GSTCD: variants seen among roughly 807,000 people sequenced by gnomAD.
GSTCD encodes glutathione S-transferase C-terminal domain-containing protein.
In GSTCD, 44 loss-of-function variants were observed where a neutral mutation model predicts 68.3. That is an observed-to-expected ratio of 0.64 (90% CI 0.51 to 0.83). The LOEUF is 0.83. Among genes scored for constraint, GSTCD ranks in the 40% least tolerant of loss-of-function variants. GSTCD has a pLI of 0.00. For synonymous variants in GSTCD, 273 were observed against 255.2 expected (o/e 1.07, Z -0.67); for missense variants, 739 against 735.9 (o/e 1.00, Z -0.05).
rs758089438 is a variant in GSTCD at position 105,717,590 on chromosome 4, T to C, written c.-21-3T>C. On this transcript the variant is annotated splice_region_variant and splice_polypyrimidine_tract_variant and intron_variant, in intron 1 of 11. Transcript: ENST00000515279. Reference sequence around the variant, plus strand: ...ACCATAATCACTTCAATTTATACTTTAGGTGACCCAATGAAAGAAGAAAAT... The same window carrying C: ...ACCATAATCACTTCAATTTATACTTCAGGTGACCCAATGAAAGAAGAAAAT... The C allele has an allele frequency of 5.4e-6, 8 of 1,489,468 alleles. No homozygotes were observed. Among genetic ancestry groups the C allele is most frequent in the Middle Eastern group, 1.8e-4 (1 of 5,474 alleles). The allele number at this position is 1,489,468 out of a possible 1,614,324, so 92.3% of individuals were successfully genotyped here.
chr4:105,839,663 GAGAGAAGAAAGAGA>G (rs910130556), intron 10 of GSTCD, among the ~76,000 whole-genome samples: 3 of 151,682 alleles, frequency 2.0e-5, no homozygotes, highest in African/African-American at 7.3e-5. Context: ...AGAGAGAGAG[GAGAGAAGAAAGAGA>G]GGAGAAGAAA....
At chr4:105,710,392 T>C (rs1253997793) in intron 1 of GSTCD, among the ~76,000 whole-genome samples, 2 of 147,926 alleles carry the variant, frequency 1.4e-5, no homozygotes, top group Admixed American at 6.7e-5. Context: ...GGCTCCTTTT[T>C]TTTTTTTTTT....
At chr4:105,719,871 A>G (rs1351814505) in intron 3 of GSTCD, among the ~76,000 whole-genome samples, 2 of 152,136 alleles carry the variant, frequency 1.3e-5, no homozygotes, top group Non-Finnish European at 2.9e-5. Flanking sequence ...ACTTTCTAAT[A>G]GTAGAAGGTC....
rs1483024147 is a variant in GSTCD, at chr4:105,825,755, C to A, written c.1485C>A (p.Phe495Leu). ...AACTGGGTTTAAGCAACATTTGGTT[C>A]ATTCAAGCAAATATGGAATATTTTA... ...SDELGLSNIW[F>L]IQANMEYFTG... The change falls in exon 8 of 12, where the codon TTC becomes TTA. Residue 495 changes from phenylalanine (F) to leucine (L), a missense_variant. Phe to Leu is a conservative substitution (Grantham distance 22, BLOSUM62 0). Transcript: ENST00000515279. 5.8e-6 allele frequency: 9 copies of A among 1,545,792 alleles called. No homozygotes were observed. The African/African-American group carries it at 9.5e-5, about 16-fold the overall frequency.
At chr4:105,771,381 C>T (rs1421860577) in intron 5 of GSTCD, among the ~76,000 whole-genome samples, 1 of 151,888 alleles carries the variant, frequency 6.6e-6, no homozygotes, top group Admixed American at 6.6e-5. Context: ...TAATTAAATC[C>T]CATTTGTCAG....
chr4:105,845,474 G>A lies in GSTCD; in HGVS notation c.1799G>A (p.Arg600Gln), dbSNP rs750695972. The A allele has an allele frequency of 5.6e-6, 9 of 1,613,984 alleles. No homozygotes were observed. In the East Asian group the frequency reaches 6.7e-5, roughly 12 times the overall value. Residue 600 changes from arginine to glutamine, a missense_variant, in exon 12 of 12, where the codon CGA (arginine) becomes CAA (glutamine). Arg to Gln is a conservative substitution (Grantham distance 43). Transcript: ENST00000515279. The stretch of plus-strand genomic sequence containing the variant: ...TGCATGTGCTTGGTGGATCTGGATC[G>A]AGCAAGAGCTGCAGAAGAATGTGGA... ...KQCMCLVDLD[R>Q]ARAAEECGYS...
intron 5 of GSTCD, among the ~76,000 whole-genome samples, chr4:105,771,235 A>C (rs1319960421): frequency 6.6e-6 from 1 of 151,744 alleles, no homozygotes; most frequent in Non-Finnish European, 1.5e-5. Context: ...TTTCTTGCAA[A>C]TTTGTTTAAG....
chr4:105,770,147 G>A (rs935559097), intron 5 of GSTCD, among the ~76,000 whole-genome samples: 5 of 152,170 alleles, frequency 3.3e-5, no homozygotes, highest in African/African-American at 9.7e-5. Flanking sequence ...TTGAAAGTCC[G>A]TTTTGACTTA....
chr4:105,720,105 T>G (rs1732813613), intron 3 of GSTCD, among the ~76,000 whole-genome samples: 1 of 152,214 alleles, frequency 6.6e-6, no homozygotes, highest in Admixed American at 6.5e-5. Flanking sequence ...TCTGTTATTA[T>G]GTGCTGGGGG....
intron 5 of GSTCD, among the ~76,000 whole-genome samples, chr4:105,801,485 G>C (rs1418858457): frequency 6.6e-6 from 1 of 152,030 alleles, no homozygotes; most frequent in African/African-American, 2.4e-5. Context: ...AAAGAATAAA[G>C]GGTAGTTTTC....
chr4:105,716,750 A>G (rs369815939), intron 1 of GSTCD, among the ~76,000 whole-genome samples: 7 of 152,188 alleles, frequency 4.6e-5, no homozygotes, highest in Non-Finnish European at 7.3e-5. Flanking sequence ...AATGTTGGAG[A>G]TGGCTGTTTT....
Position 105,719,511 on chromosome 4 carries a change from G to C in GSTCD, c.878G>C (p.Cys293Ser), listed in dbSNP as rs745723934. The change falls in exon 3 of 12, where the codon TGT (cysteine) becomes TCT (serine). Residue 293 changes from cysteine (C) to serine (S), a missense_variant. Coordinates refer to ENST00000515279, the MANE Select transcript of GSTCD (RefSeq NM_001370181.1). ...CTGGCAGATATTGTGCTCTTGCCCT[G>C]TATCCATCATTTCTTGGTAAGGTTT... ...FTLADIVLLP[C>S]IHHFLVIISR... is the part of the protein sequence containing the mutation. 6.2e-7 allele frequency: 1 copy of C among 1,613,044 alleles called. No individual in the cohort carries two copies. The highest frequency in any genetic ancestry group is 8.5e-7 in the Non-Finnish European group (1 of 1,179,152).
chr4:105,789,677 C>T (rs763649915), intron 5 of GSTCD, among the ~76,000 whole-genome samples: 3 of 151,874 alleles, frequency 2.0e-5, no homozygotes, highest in Non-Finnish European at 4.4e-5. Context: ...AGTGACATCC[C>T]ATCCCCTTTA....
chr4:105,809,155 T>C (rs938599934), intron 5 of GSTCD, among the ~76,000 whole-genome samples: 3 of 152,124 alleles, frequency 2.0e-5, no homozygotes, highest in Admixed American at 1.3e-4. Context: ...GGGAAAAGAA[T>C]CCATTCTAGG....
At chr4:105,755,346 G>A (rs985481514) in intron 5 of GSTCD, among the ~76,000 whole-genome samples, 8 of 151,976 alleles carry the variant, frequency 5.3e-5, no homozygotes, top group African/African-American at 1.9e-4. Flanking sequence ...GGGAGGTAAG[G>A]AGGGAAGGGA....
chr4:105,824,774 C>T (rs1560848575), intron 7 of GSTCD, among the ~76,000 whole-genome samples: 1 of 152,066 alleles, frequency 6.6e-6, no homozygotes, highest in African/African-American at 2.4e-5. Flanking sequence ...ACCCTTTACA[C>T]CCTGTCCCCC....
chr4:105,740,617 G>GT (rs779995752), intron 5 of GSTCD, among the ~76,000 whole-genome samples: 15 of 152,014 alleles, frequency 9.9e-5, no homozygotes, highest in South Asian at 4.1e-4. Flanking sequence ...TTCTTTAAAC[G>GT]TTTTTTCATC....
chr4:105,710,950 C>G (rs1231340371), intron 1 of GSTCD: 1 of 152,164 alleles, frequency 6.6e-6, no homozygotes. Flanking sequence ...CTTTTGTTCT[C>G]TAGGACTTAA....
At chr4:105,719,955 A>AG (rs1732809543) in intron 3 of GSTCD, among the ~76,000 whole-genome samples, 1 of 152,046 alleles carries the variant, frequency 6.6e-6, no homozygotes, top group South Asian at 2.1e-4. Flanking sequence ...AAAAAAAAAA[A>AG]CTAAAAATCT....
Sources: gnomAD v4.1 joint callset for allele counts (sites outside exome capture counted in the v4.1 genomes callset) on GRCh38, gnomAD v4.1.1 for gene constraint, MANE v1.5 for transcripts, NCBI Gene and HGNC (gene_info 2026-07-23, HGNC 2026-07-21) for gene names.